ZXDC: variants seen among roughly 807,000 people sequenced by gnomAD.
ZXDC encodes the protein zinc finger protein ZXDC.
A neutral mutation model predicts 63.6 loss-of-function variants in ZXDC; 58 were observed. The ratio of observed to expected loss-of-function variants is 0.91; its 90% CI spans 0.74 to 1.13. The LOEUF (loss-of-function observed/expected upper bound fraction) is 1.13, where lower values mean the gene tolerates loss of function less well. Ranked by LOEUF, ZXDC falls within the 50% of genes most tolerant of loss-of-function variation. ZXDC has a pLI of 0.00. For synonymous variants in ZXDC, 561 were observed against 496.1 expected (o/e 1.13, Z -1.74); for missense variants, 1,133 against 1,148.9 (o/e 0.99, Z 0.20).
At chr3:126,444,376 CAAA>C (rs370277770) in intron 7 of ZXDC, among the ~76,000 whole-genome samples, 2 of 151,948 alleles carry the variant, frequency 1.3e-5, no homozygotes, top group African/African-American at 4.8e-5. Context: ...ACTAAAAATA[CAAA>C]AAATTAGCCA....
chr3:126,462,977 T>C (rs1381501022), intron 5 of ZXDC, among the ~76,000 whole-genome samples: 1 of 152,236 alleles, frequency 6.6e-6, no homozygotes, highest in East Asian at 1.9e-4. Flanking sequence ...CCAGCAGGAC[T>C]GCAAGCCTCC....
intron 7 of ZXDC, chr3:126,458,989 C>A (rs1424447654): frequency 3.1e-6 from 3 of 980,072 alleles, no homozygotes; most frequent in Non-Finnish European, 3.6e-6. Context: ...ATCATATCAA[C>A]CCTTTTAGAT....
intron 8 of ZXDC, chr3:126,440,212 C>T (rs1014501760): frequency 8.0e-6 from 8 of 998,354 alleles, no homozygotes; most frequent in Non-Finnish European, 8.4e-6. Flanking sequence ...TGCCAGGCCC[C>T]TCACAGTCCA....
intron 4 of ZXDC, among the ~76,000 whole-genome samples, chr3:126,469,010 T>A (rs1240951191): frequency 1.3e-5 from 2 of 152,208 alleles, no homozygotes; most frequent in African/African-American, 2.4e-5. Flanking sequence ...ATACTGATGT[T>A]TTCCATATGC....
In ZXDC at chr3:126,439,647, G is replaced by A. The variant is rs370242276; in HGVS notation, c.2475C>T (p.Pro825=). 1.0e-3 allele frequency: 1,589 copies of A among 1,553,542 alleles called. 4 individuals carry two copies. Among genetic ancestry groups the A allele is most frequent in the Non-Finnish European group, 1.3e-3 (1,490 of 1,147,922 alleles). ...GCATCCAGACCTGGAGGACGTAGAC[G>A]GGCAGGTCCACAGTGAGGAAGGGGA... is the stretch of plus-strand genomic sequence containing the variant. ...TFLPFLTVDL[P]VYVLQEVLPS... The change falls in exon 9 of 10, where the codon CCC becomes CCT. Residue 825 remains proline (P), a synonymous_variant. Transcript: ENST00000389709.
At chr3:126,456,753 A>G (rs1934321203) in intron 7 of ZXDC, among the ~76,000 whole-genome samples, 1 of 152,096 alleles carries the variant, frequency 6.6e-6, no homozygotes. Flanking sequence ...ATTAGAAGTG[A>G]AGGTGGTCTT....
intron 7 of ZXDC, chr3:126,450,723 C>G: frequency 5.7e-6 from 2 of 352,048 alleles, no homozygotes; most frequent in South Asian, 4.2e-5. Context: ...ACCAGGTGTG[C>G]AAAGATTTTT....
chr3:126,467,274 G>C (rs1007170614), intron 4 of ZXDC, among the ~76,000 whole-genome samples: 14 of 152,128 alleles, frequency 9.2e-5, no homozygotes, highest in Non-Finnish European at 1.9e-4. Flanking sequence ...AGGCACCCCA[G>C]CCTGGGTTCC....
At position 126,466,317 on chromosome 3, in the gene ZXDC, C is replaced by T. The variant is rs750799915; in HGVS notation, c.1279G>A (p.Ala427Thr). ...PFECPVEGCCARFSARSSLYI... is the reference protein window; with the variant it reads ...PFECPVEGCCTRFSARSSLYI... ...AGACTGCTACGAGCGGAGAACCTCGCGCAACATCCTGGAACAAAAAGAGTA... is the reference window on the plus strand; with the variant it reads ...AGACTGCTACGAGCGGAGAACCTCGTGCAACATCCTGGAACAAAAAGAGTA... Residue 427 changes from alanine to threonine, a missense_variant, in exon 5 of 10, where the codon GCG (alanine) becomes ACG (threonine). Coordinates refer to ENST00000389709, the MANE Select transcript of ZXDC (RefSeq NM_025112.5). 5.6e-6 allele frequency: 9 copies of T among 1,614,002 alleles called. No individual in the cohort carries two copies. Among genetic ancestry groups the T allele is most frequent in the African/African-American group, 4.0e-5 (3 of 74,896 alleles).
intron 6 of ZXDC, chr3:126,460,957 TTTAAA>T (rs1224515886): frequency 1.0e-6 from 1 of 977,578 alleles, no homozygotes; most frequent in South Asian, 4.7e-5. Context: ...CCTAAGAATC[TTTAAA>T]TTATTTTAAA....
At chr3:126,474,901 G>T in intron 1 of ZXDC, 58 bp downstream of exon 1, 1 of 1,498,092 alleles carries the variant, frequency 6.7e-7, no homozygotes, top group Non-Finnish European at 8.9e-7. Flanking sequence ...GGCGGACGTG[G>T]CACCCCAGAC....
chr3:126,458,714 C>T (rs1342265217), intron 7 of ZXDC: 21 of 985,346 alleles, frequency 2.1e-5, no homozygotes, highest in Middle Eastern at 1.0e-3. Context: ...TAAAGGCATC[C>T]GCTTTCCTTC....
rs1217326404 is a variant in ZXDC at position 126,462,059 on chromosome 3, A to G, written c.1603T>C (p.Ser535Pro). ...SAGGSDEALN[S>P]GILTIDVTSV... The stretch of plus-strand genomic sequence containing the variant: ...GTGACGTCAATAGTCAGGATTCCGG[A>G]GTTCAGAGCCTCATCCGACCCACCT... Residue 535 changes from serine to proline, a missense_variant, in exon 6 of 10, where the codon TCC (serine) becomes CCC (proline). Coordinates refer to ENST00000389709, the MANE Select transcript of ZXDC (RefSeq NM_025112.5). 5.0e-6 allele frequency: 8 copies of G among 1,614,056 alleles called. No homozygotes were observed. In the South Asian group the frequency reaches 8.8e-5, roughly 18 times the overall value.
intron 6 of ZXDC, chr3:126,460,603 T>C (rs1255166880): frequency 2.0e-6 from 2 of 985,184 alleles, no homozygotes; most frequent in Non-Finnish European, 2.4e-6. Flanking sequence ...TGTGGCCACC[T>C]CCCATCCCTG....
intron 7 of ZXDC, chr3:126,453,654 A>G: frequency 2.0e-6 from 2 of 985,364 alleles, no homozygotes; most frequent in African/African-American, 1.7e-5. Context: ...TTATAAACAC[A>G]TGGCCTATCC....
At position 126,452,042 on chromosome 3, in the gene ZXDC, T is replaced by C. The variant is rs894122727; in HGVS notation, c.2212+7611A>G. The C allele has an allele frequency of 5.4e-5, 53 of 985,148 alleles. No individual in the cohort carries two copies. The South Asian group carries it at 1.9e-3, about 36-fold the overall frequency. The allele number at this position is 985,148 out of a possible 1,614,324, so 61.0% of individuals were successfully genotyped here. On this transcript the variant is annotated intron_variant, in intron 7 of 9. Coordinates refer to ENST00000389709, the MANE Select transcript of ZXDC (RefSeq NM_025112.5). ...TGTATGGAATTCTAATATTTTTTTT[T>C]CCCTAAAAGGCCAGCATTCACCTGT...
chr3:126,438,253 A>C lies in ZXDC; in HGVS notation c.*122T>G, dbSNP rs1933536649. 3.8e-6 allele frequency: 3 copies of C among 781,660 alleles called. No individual in the cohort carries two copies. The East Asian group carries it at 8.1e-5, about 21-fold the overall frequency. The allele number at this position is 781,660 out of a possible 1,614,324, so 48.4% of individuals were successfully genotyped here. A position where few individuals can be genotyped will look rare whatever the true frequency, so the allele number is the denominator to read the frequency against. ...TTTGATAAATGTACCCAAAAGTCTC[A>C]AAAGGGCTACGCTGGTCTTCTGAAC... On this transcript the variant is annotated 3_prime_UTR_variant, in exon 10 of 10. Coordinates refer to ENST00000389709, the MANE Select transcript of ZXDC (RefSeq NM_025112.5).
At chr3:126,453,724 C>G (rs1467048093) in intron 7 of ZXDC, 1 of 982,594 alleles carries the variant, frequency 1.0e-6, no homozygotes, top group Non-Finnish European at 1.2e-6. Context: ...GAAGGAGTTT[C>G]GCTCTTGTTG....
At chr3:126,455,350 G>A (rs967675724) in intron 7 of ZXDC, among the ~76,000 whole-genome samples, 12 of 152,160 alleles carry the variant, frequency 7.9e-5, no homozygotes, top group African/African-American at 2.9e-4. Context: ...AAAGCACAGC[G>A]TGGGTTAACA....
Sources: allele counts gnomAD v4.1 joint callset (sites outside exome capture counted in the v4.1 genomes callset), GRCh38; gene constraint gnomAD v4.1.1; transcripts MANE v1.5; gene names NCBI Gene and HGNC (gene_info 2026-07-23, HGNC 2026-07-21).